Variants in IQGAP1 observed in about 807,000 individuals in gnomAD.
IQGAP1 encodes the protein IQ motif containing GTPase activating protein 1, also known as ras GTPase-activating-like protein IQGAP1.
A neutral mutation model predicts 215.6 loss-of-function variants in IQGAP1; 66 were observed. The observed-to-expected ratio is 0.31, with a 90% confidence interval of 0.25 to 0.38. IQGAP1 has a LOEUF of 0.38. Ranked by LOEUF, IQGAP1 falls within the 10% of genes least tolerant of loss-of-function variation. The pLI, the probability that IQGAP1 is intolerant of heterozygous loss-of-function variation, is 1.00. For synonymous variants in IQGAP1, 772 were observed against 728.7 expected, an observed-to-expected ratio of 1.06 and a Z score of -0.96; for missense variants, 1,712 against 1,997.1, an observed-to-expected ratio of 0.86 and a Z score of 2.72.
At chr15:90,489,025 T>C (rs914341714) in intron 33 of IQGAP1, among the ~76,000 whole-genome samples, 4 of 152,028 alleles carry the variant, frequency 2.6e-5, no homozygotes, top group African/African-American at 9.7e-5. Context: ...TGTAGTTGAG[T>C]CATATAGGTG....
intron 4 of IQGAP1, among the ~76,000 whole-genome samples, chr15:90,430,406 C>G (rs1965285501): frequency 6.6e-6 from 1 of 151,778 alleles, no homozygotes; most frequent in Non-Finnish European, 1.5e-5. Flanking sequence ...CAGAAAGCAC[C>G]AAAAAAATGT....
At chr15:90,400,301 T>G (rs1270441143) in intron 2 of IQGAP1, among the ~76,000 whole-genome samples, 1 of 152,262 alleles carries the variant, frequency 6.6e-6, no homozygotes, top group Non-Finnish European at 1.5e-5. Context: ...ATACATCTTT[T>G]GTTGCACTGA....
intron 8 of IQGAP1, among the ~76,000 whole-genome samples, chr15:90,442,906 A>C (rs1965472083): frequency 6.6e-6 from 1 of 152,032 alleles, no homozygotes; most frequent in African/African-American, 2.4e-5. Flanking sequence ...CAGGAGGCAG[A>C]GTTTTTAATG....
At chr15:90,393,819 T>G (rs2601194) in intron 2 of IQGAP1, 1 of 151,952 alleles carries the variant, frequency 6.6e-6, no homozygotes, top group East Asian at 1.9e-4. Context: ...GGTGTTTTTT[T>G]GTTGAGTGCT....
chr15:90,429,520 G>A (rs755046629), intron 3 of IQGAP1, 69 bp from the exon 4 acceptor site: 25 of 1,203,590 alleles, frequency 2.1e-5, no homozygotes, highest in South Asian at 2.9e-5. Context: ...AAACTTTTGC[G>A]AAGAGAGTTT....
intron 13 of IQGAP1, among the ~76,000 whole-genome samples, chr15:90,454,035 C>T (rs1965644923): frequency 6.6e-6 from 1 of 152,132 alleles, no homozygotes; most frequent in African/African-American, 2.4e-5. Context: ...TCTAGTTTTC[C>T]ATTAAGCATT....
chr15:90,488,230 TAATAAATAAATAAATAAATA>T (rs76285758), intron 33 of IQGAP1, among the ~76,000 whole-genome samples: 1 of 147,620 alleles, frequency 6.8e-6, no homozygotes, highest in African/African-American at 2.5e-5. Flanking sequence ...CAAAAAATAA[TAATAAATAAATAAATAAATA>T]AATAAATAAA....
intron 36 of IQGAP1, among the ~76,000 whole-genome samples, chr15:90,496,100 T>C (rs1966268959): frequency 6.6e-6 from 1 of 151,854 alleles, no homozygotes; most frequent in South Asian, 2.1e-4. Context: ...ATAAATATGT[T>C]TAAGGAATAA....
chr15:90,494,465 G>A (rs976706435), intron 35 of IQGAP1: 12 of 271,990 alleles, frequency 4.4e-5, no homozygotes, highest in African/African-American at 2.5e-4. Context: ...TTAAGACACT[G>A]TTAAATTCAT....
At chr15:90,497,391 CAAGTAGG>C in intron 37 of IQGAP1, 51 bp downstream of exon 37, 3 of 893,784 alleles carry the variant, frequency 3.4e-6, no homozygotes, top group African/African-American at 1.7e-5. Context: ...GATTCTTGTC[CAAGTAGG>C]AGAAATAGAT....
In IQGAP1 at chr15:90,476,761, G is replaced by A; in HGVS notation, c.2883G>A (p.Leu961=). ...AACAGAAGGGAGGTCTCAAGGCTTTGAGCAAGGAGAAGAGAGAGAAGTTGG... is the reference window on the plus strand; with the variant it reads ...AACAGAAGGGAGGTCTCAAGGCTTTAAGCAAGGAGAAGAGAGAGAAGTTGG... ...INKQKGGLKA[L]SKEKREKLEA... The change falls in exon 24 of 38, where the codon TTG becomes TTA. Residue 961 remains leucine (L), a synonymous_variant. Transcript: ENST00000268182. 6.2e-7 allele frequency: 1 copy of A among 1,608,314 alleles called. No homozygotes were observed. The highest frequency in any genetic ancestry group is 1.1e-5 in the South Asian group (1 of 89,974).
chr15:90,390,690 G>A, intron 1 of IQGAP1, 84 bp from the exon 2 acceptor site: 1 of 890,654 alleles, frequency 1.1e-6, no homozygotes, highest in Non-Finnish European at 1.9e-6. Flanking sequence ...TAGGTGAGTG[G>A]CAGGAAATTG....
intron 15 of IQGAP1, among the ~76,000 whole-genome samples, chr15:90,458,761 A>G (rs1049510224): frequency 2.6e-5 from 4 of 152,204 alleles, no homozygotes; most frequent in African/African-American, 7.2e-5. Context: ...GTTGATCTCA[A>G]TTTCCTGGCT....
intron 2 of IQGAP1, among the ~76,000 whole-genome samples, chr15:90,422,945 T>C (rs1965168748): frequency 1.3e-5 from 2 of 152,060 alleles, no homozygotes; most frequent in African/African-American, 4.8e-5. Flanking sequence ...TCCTCCTGCC[T>C]TGGCCTCCCA....
At chr15:90,402,816 G>A (rs988016022) in intron 2 of IQGAP1, among the ~76,000 whole-genome samples, 2 of 152,126 alleles carry the variant, frequency 1.3e-5, no homozygotes, top group Admixed American at 1.3e-4. Context: ...ATTAAAAATA[G>A]GAAAAAGATA....
intron 2 of IQGAP1, 179 bp downstream of exon 2, chr15:90,391,052 A>ATAGTGAG: frequency 1.9e-6 from 1 of 519,916 alleles, no homozygotes; most frequent in Non-Finnish European, 3.5e-6. Context: ...ATTGGGCAAC[A>ATAGTGAG]TAGTGACACC....
intron 34 of IQGAP1, 118 bp downstream of exon 34, chr15:90,491,663 C>A: frequency 4.0e-6 from 3 of 757,712 alleles, no homozygotes; most frequent in Non-Finnish European, 4.3e-6. Context: ...GTGCCCTCCT[C>A]TATGAGAAAC....
Position 90,482,018 on chromosome 15 carries a change from C to A in IQGAP1, c.3388C>A (p.Arg1130=). 6.2e-7 allele frequency: 1 copy of A among 1,614,194 alleles called. No individual in the cohort carries two copies. The highest frequency in any genetic ancestry group is 8.5e-7 in the Non-Finnish European group (1 of 1,180,022). ...GCTAGCTCATGAAGAAGTGAAGACACGGCTAGACAGCTCCATCAGGAACAT... is the reference window on the plus strand; with the variant it reads ...GCTAGCTCATGAAGAAGTGAAGACAAGGCTAGACAGCTCCATCAGGAACAT... ...QALAHEEVKT[R]LDSSIRNMRA... is the part of the protein sequence containing the mutation. Residue 1130 remains arginine, a synonymous_variant, in exon 27 of 38, where the codon CGG becomes AGG. Coordinates refer to ENST00000268182, the MANE Select transcript of IQGAP1 (RefSeq NM_003870.4).
At position 90,443,390 on chromosome 15, in the gene IQGAP1, TCAGA is replaced by T; in HGVS notation, c.830_833del (p.Thr277LysfsTer23). The T allele has an allele frequency of 6.2e-7, 1 of 1,607,602 alleles. No individual in the cohort carries two copies. ...ACTTAATTACGCTTTTTACTCATCC[TCAGA>T]CAGAAAACTCAGAGAGAGAAAGAGA... On this transcript the variant is annotated splice_acceptor_variant and splice_polypyrimidine_tract_variant and coding_sequence_variant and intron_variant, in exon 9 of 38. Coordinates refer to ENST00000268182, the MANE Select transcript of IQGAP1 (RefSeq NM_003870.4). LOFTEE classifies it high-confidence loss of function.
Sources: allele counts gnomAD v4.1 joint callset (sites outside exome capture counted in the v4.1 genomes callset), GRCh38; gene constraint gnomAD v4.1.1; transcripts MANE v1.5; gene names NCBI Gene and HGNC (gene_info 2026-07-23, HGNC 2026-07-21).